Variants in YBX3 observed in about 807,000 individuals in gnomAD.
YBX3 encodes the protein Y-box-binding protein 3.
A neutral mutation model predicts 42.4 loss-of-function variants in YBX3; 29 were observed. The ratio of observed to expected loss-of-function variants is 0.68; its 90% CI spans 0.51 to 0.93. The LOEUF (loss-of-function observed/expected upper bound fraction) is 0.93, where lower values mean the gene tolerates loss of function less well. Ranked by LOEUF, YBX3 falls within the 40% of genes least tolerant of loss-of-function variation. The pLI, the probability that YBX3 is intolerant of heterozygous loss-of-function variation, is 0.00. For missense variants in YBX3, 517 were observed against 527.5 expected, an observed-to-expected ratio of 0.98 and a Z score of 0.19; for synonymous variants, 195 against 189.8, an observed-to-expected ratio of 1.03 and a Z score of -0.22.
chr12:10,715,946 G>A (rs1365393352), intron 3 of YBX3, 163 bp from the exon 4 acceptor site: 14 of 611,310 alleles, frequency 2.3e-5, no homozygotes, highest in Admixed American at 2.9e-5. Flanking sequence ...CAACAAGAAA[G>A]CACTATAAAA....
At position 10,710,109 on chromosome 12, in the gene YBX3, A is replaced by G; in HGVS notation, c.579T>C (p.Ala193=). The G allele has an allele frequency of 6.2e-7, 1 of 1,612,992 alleles. No homozygotes were observed. The highest frequency in any genetic ancestry group is 1.1e-5 in the South Asian group (1 of 90,914). ...GRRRGPPRNY[A]GEEEEEGSGS... ...CGCTCCCTTCCTCCTCCTCCTCCCC[A>G]GCGTACTAGCGAAGCAAAGAAACAG... The change falls in exon 6 of 10, where the codon GCT becomes GCC. Residue 193 remains alanine, a synonymous_variant. Transcript: ENST00000228251.
At chr12:10,722,450 T>A (rs1258245474) in intron 1 of YBX3, 2 of 156,580 alleles carry the variant, frequency 1.3e-5, no homozygotes, top group Non-Finnish European at 2.8e-5. Context: ...GGCCCACGTG[T>A]CGGTCCTTCC....
chr12:10,716,397 A>AC (rs1470800513), intron 3 of YBX3, among the ~76,000 whole-genome samples: 1 of 152,126 alleles, frequency 6.6e-6, no homozygotes, highest in Admixed American at 6.5e-5. Context: ...CCTGTACTCT[A>AC]CCTATATGAT....
chr12:10,709,627 C>T (rs1263157600), intron 6 of YBX3, among the ~76,000 whole-genome samples: 2 of 152,196 alleles, frequency 1.3e-5, no homozygotes, highest in East Asian at 3.9e-4. Flanking sequence ...ACACATTCCA[C>T]CTGTCTTGTT....
intron 3 of YBX3, among the ~76,000 whole-genome samples, chr12:10,716,929 A>G (rs923482534): frequency 1.3e-4 from 20 of 152,286 alleles, no homozygotes; most frequent in African/African-American, 4.8e-4. Context: ...ATCGGGTCAT[A>G]TACTCACAGG....
chr12:10,723,205 G>T lies in YBX3; in HGVS notation c.-94C>A. The T allele has an allele frequency of 1.7e-6, 2 of 1,175,394 alleles. No homozygotes were observed. Among genetic ancestry groups the T allele is most frequent in the Non-Finnish European group, 2.1e-6 (2 of 952,068 alleles). The allele number at this position is 1,175,394 out of a possible 1,614,324, so 72.8% of individuals were successfully genotyped here. Reference sequence around the variant, plus strand: ...GTCGCGGCGGCCGGGGCTCGCTCTCGGGGAGGCCGGGGCGGATCTCGCGGC... The same window carrying T: ...GTCGCGGCGGCCGGGGCTCGCTCTCTGGGAGGCCGGGGCGGATCTCGCGGC... On this transcript the variant is annotated 5_prime_UTR_variant, in exon 1 of 10. Transcript: ENST00000228251.
chr12:10,716,417 A>G (rs1311380504), intron 3 of YBX3, among the ~76,000 whole-genome samples: 1 of 152,220 alleles, frequency 6.6e-6, no homozygotes, highest in Non-Finnish European at 1.5e-5. Flanking sequence ...TATTTATTCA[A>G]CTTTTCTCCC....
intron 6 of YBX3, among the ~76,000 whole-genome samples, chr12:10,706,288 G>C (rs1227017896): frequency 6.6e-6 from 1 of 152,098 alleles, no homozygotes; most frequent in Non-Finnish European, 1.5e-5. Context: ...CAAAAATCTT[G>C]CTCTGATCCC....
chr12:10,709,832 GGAGGAGGAGGAA>G, intron 6 of YBX3, 64 bp downstream of exon 6: 1 of 1,546,856 alleles, frequency 6.5e-7, no homozygotes. Flanking sequence ...TGATGTTGGA[GGAGGAGGAGGAA>G]GAGGAGGCAG....
Position 10,722,888 on chromosome 12 carries a change from G to GCGGC in YBX3, c.223_224insGCCG (p.Thr75SerfsTer38). 3 of 1,461,932 alleles carry GCGGC rather than the reference G, an allele frequency of 2.1e-6. No individual in the cohort carries two copies. Among genetic ancestry groups the GCGGC allele is most frequent in the Non-Finnish European group, 1.8e-6 (2 of 1,102,182 alleles). The allele number at this position is 1,461,932 out of a possible 1,614,324, so 90.6% of individuals were successfully genotyped here. On this transcript the variant is annotated frameshift_variant, in exon 1 of 10. Transcript: ENST00000228251. LOFTEE classifies it high-confidence loss of function. ...CTCCGCGTCTTCGCTGCCGGCGGCGGTGGCTAAAGAGGCGGCGGCCGCGGT... is the reference window on the plus strand; with the variant it reads ...CTCCGCGTCTTCGCTGCCGGCGGCGGCGGCTGGCTAAAGAGGCGGCGGCCGCGGT...
rs145916700 is a variant in YBX3, at chr12:10,711,779, A to G, written c.573+1432T>C. ...AGCGTTTTAACAATTTTGTTTCTAA[A>G]TATCTTTTATATGCATGACTTTGGA... On this transcript the variant is annotated intron_variant, in intron 5 of 9. Coordinates refer to ENST00000228251, the MANE Select transcript of YBX3 (RefSeq NM_003651.5). 27 of 152,360 alleles carry G rather than the reference A, an allele frequency of 1.8e-4. No homozygotes were observed. In the East Asian group the frequency reaches 4.0e-3, roughly 23 times the overall value. The allele number at this position is 152,360 out of a possible 1,614,324, so 9.4% of individuals were successfully genotyped here.
At chr12:10,718,228 A>G in intron 2 of YBX3, 107 bp from the exon 3 acceptor site, 1 of 964,496 alleles carries the variant, frequency 1.0e-6, no homozygotes, top group Non-Finnish European at 1.6e-6. Flanking sequence ...AACACAACAT[A>G]TATTTTCACT....
chr12:10,705,055 T>C (rs1948122465), intron 6 of YBX3, among the ~76,000 whole-genome samples: 1 of 152,196 alleles, frequency 6.6e-6, no homozygotes, highest in South Asian at 2.1e-4. Flanking sequence ...TTTAGAATTA[T>C]GCACTAAAGT....
intron 5 of YBX3, chr12:10,710,910 T>C (rs1212350434): frequency 1.9e-5 from 3 of 161,848 alleles, no homozygotes; most frequent in African/African-American, 7.2e-5. Flanking sequence ...TATTTTACTT[T>C]CTAATATAAT....
At chr12:10,713,160 C>A in intron 5 of YBX3, 51 bp downstream of exon 5, 1 of 1,573,658 alleles carries the variant, frequency 6.4e-7, no homozygotes, top group South Asian at 1.2e-5. Context: ...ACACTTAATT[C>A]CATGCATGAA....
At chr12:10,721,613 T>C (rs778737246) in intron 1 of YBX3, among the ~76,000 whole-genome samples, 3 of 152,110 alleles carry the variant, frequency 2.0e-5, no homozygotes, top group Non-Finnish European at 4.4e-5. Context: ...TGTTGTTTGG[T>C]AGGGACTTAG....
chr12:10,715,891 C>T, intron 3 of YBX3, 108 bp from the exon 4 acceptor site: 1 of 892,592 alleles, frequency 1.1e-6, no homozygotes, highest in Middle Eastern at 2.4e-4. Flanking sequence ...TTGACCGATT[C>T]TTATTTTTCC....
chr12:10,719,005 G>A, intron 2 of YBX3, 75 bp downstream of exon 2: 2 of 1,399,028 alleles, frequency 1.4e-6, no homozygotes, highest in Non-Finnish European at 2.0e-6. Flanking sequence ...ATTAATGAAG[G>A]CTAAGGGATT....
At chr12:10,717,146 T>C (rs778137342) in intron 3 of YBX3, among the ~76,000 whole-genome samples, 1 of 152,154 alleles carries the variant, frequency 6.6e-6, no homozygotes, top group South Asian at 2.1e-4. Context: ...CAAGTAGAAA[T>C]ATAAACAATA....
Sources: gnomAD v4.1 joint callset for allele counts (sites outside exome capture counted in the v4.1 genomes callset) on GRCh38, gnomAD v4.1.1 for gene constraint, MANE v1.5 for transcripts, NCBI Gene and HGNC (gene_info 2026-07-23, HGNC 2026-07-21) for gene names.